TECPR2: variants seen among roughly 807,000 people sequenced by gnomAD.
TECPR2 encodes tectonin beta-propeller repeat-containing protein 2.
Under a neutral mutation model 138.1 loss-of-function variants are expected in TECPR2, and 65 were observed. The ratio of observed to expected loss-of-function variants is 0.47; its 90% CI spans 0.39 to 0.58. The LOEUF (loss-of-function observed/expected upper bound fraction) is 0.58, where lower values mean the gene tolerates loss of function less well. TECPR2 is among the 20% of genes least tolerant of loss of function. The pLI, the probability that TECPR2 is intolerant of heterozygous loss-of-function variation, is 0.00. For missense variants in TECPR2, 1,553 were observed against 1,824.5 expected, an observed-to-expected ratio of 0.85 and a Z score of 2.71; for synonymous variants, 746 against 749.8, an observed-to-expected ratio of 0.99 and a Z score of 0.08.
chr14:102,445,857 T>C lies in TECPR2; in HGVS notation c.2985T>C (p.Thr995=). ...GCATAACGCTCGGGGATCAGCAGAC[T>C]CTCTGGGCCCTGGACATCCATGGGA... ...PVCITLGDQQ[T]LWALDIHGNL... Residue 995 remains threonine (T), a synonymous_variant, in exon 13 of 20, where the codon ACT becomes ACC. Coordinates refer to ENST00000359520, the MANE Select transcript of TECPR2 (RefSeq NM_014844.5). The C allele has an allele frequency of 1.9e-6, 3 of 1,613,956 alleles. No individual in the cohort carries two copies. The highest frequency in any genetic ancestry group is 2.5e-6 in the Non-Finnish European group (3 of 1,179,994).
intron 17 of TECPR2, chr14:102,465,682 G>T: frequency 1.0e-6 from 1 of 983,212 alleles, no homozygotes; most frequent in African/African-American, 1.7e-5. Context: ...TCTTGTCATG[G>T]AGAAAATGCT....
At chr14:102,473,641 C>T (rs774156111) in intron 17 of TECPR2, among the ~76,000 whole-genome samples, 4 of 152,156 alleles carry the variant, frequency 2.6e-5, no homozygotes, top group African/African-American at 4.8e-5. Context: ...GAAGATACCC[C>T]TCCTGTAGTA....
Position 102,415,709 on chromosome 14 carries a change from C to T in TECPR2, c.638+916C>T, listed in dbSNP as rs938404610. On this transcript the variant is annotated intron_variant, in intron 5 of 19. Transcript: ENST00000359520. This position sits in a 1 kb window ranked among gnomAD's most constrained non-coding sequence, Gnocchi z 4.3. ...TGATGAGTCTACAGTCATGGATTGTCGATTGGCCGATGGGAGCTGGAAGAG... is the reference window on the plus strand; with the variant it reads ...TGATGAGTCTACAGTCATGGATTGTTGATTGGCCGATGGGAGCTGGAAGAG... Among the ~76,000 whole-genome samples the T allele has an allele frequency of 1.8e-4, 27 of 152,198 alleles. No individual in the cohort carries two copies. Among genetic ancestry groups the T allele is most frequent in the African/African-American group, 6.0e-4 (25 of 41,522 alleles).
chr14:102,426,299 C>T (rs761901560), intron 6 of TECPR2, among the ~76,000 whole-genome samples: 1 of 152,032 alleles, frequency 6.6e-6, no homozygotes, highest in South Asian at 2.1e-4. Flanking sequence ...ATAATTTCTG[C>T]TTAAACCAAG....
chr14:102,404,558 C>T (rs1888597429), intron 2 of TECPR2, among the ~76,000 whole-genome samples: 2 of 151,178 alleles, frequency 1.3e-5, no homozygotes, highest in Admixed American at 6.6e-5. Flanking sequence ...AGAAATAAAC[C>T]CTCTTATATA....
intron 13 of TECPR2, 121 bp downstream of exon 13, chr14:102,446,068 ATTTG>A (rs557073016): frequency 1.3e-5 from 16 of 1,246,908 alleles, no homozygotes; most frequent in Admixed American, 2.8e-5. Flanking sequence ...CTTTTTTATT[ATTTG>A]TTTGTTTGTT....
At chr14:102,472,975 G>T (rs946145495) in intron 17 of TECPR2, among the ~76,000 whole-genome samples, 2 of 152,268 alleles carry the variant, frequency 1.3e-5, no homozygotes, top group Non-Finnish European at 2.9e-5. Flanking sequence ...CTCGCCTTGT[G>T]CCAGGCTAAT....
Position 102,500,743 on chromosome 14 carries a change from A to G in TECPR2, c.*2486A>G, listed in dbSNP as rs1891419795. On this transcript the variant is annotated 3_prime_UTR_variant, in exon 20 of 20. Transcript: ENST00000359520. ...GAAAGACCTCATTCTTTCCAAAGGA[A>G]TTTATAGGTGTAGCTTGATTTCAGT... 6.6e-6 allele frequency: 1 copy of G among 152,230 alleles called. No individual in the cohort carries two copies. Among genetic ancestry groups the G allele is most frequent in the South Asian group, 2.1e-4 (1 of 4,832 alleles). 9.4% of individuals were successfully genotyped at this position (152,230 alleles called of 1,614,324 possible).
Position 102,443,929 on chromosome 14 carries a change from G to A in TECPR2, c.2933+102G>A. 2 of 1,167,928 alleles carry A rather than the reference G, an allele frequency of 1.7e-6. No homozygotes were observed. Among genetic ancestry groups the A allele is most frequent in the East Asian group, 2.6e-5 (1 of 38,268 alleles). The allele number at this position is 1,167,928 out of a possible 1,614,324, so 72.3% of individuals were successfully genotyped here. On this transcript the variant is annotated intron_variant, in intron 12 of 19. Coordinates refer to ENST00000359520, the MANE Select transcript of TECPR2 (RefSeq NM_014844.5). The surrounding 1 kb of genome is among the most constrained non-coding windows in gnomAD (Gnocchi z 4.9). The stretch of plus-strand genomic sequence containing the variant: ...ACCATGAGGCCGTTCCTGGGAGGCA[G>A]CACCTGCAGCCTCCATGGCTATAGG...
Position 102,435,200 on chromosome 14 carries a change from A to G in TECPR2, c.2383A>G (p.Lys795Glu). 1 of 1,606,540 alleles carries G rather than the reference A, an allele frequency of 6.2e-7. No individual in the cohort carries two copies. Among genetic ancestry groups the G allele is most frequent in the Non-Finnish European group, 8.5e-7 (1 of 1,175,984 alleles). ...GGGTGCAGAGGACGCCGGGCTGCTC[A>G]AGCCAGATCAGGTATGTGGGTTCGG... ...RLGAEDAGLLKPDQFAESWMG... is the reference protein window; with the variant it reads ...RLGAEDAGLLEPDQFAESWMG... Residue 795 changes from lysine to glutamate, a missense_variant, in exon 9 of 20, where the codon AAG (lysine) becomes GAG (glutamate). Coordinates refer to ENST00000359520, the MANE Select transcript of TECPR2 (RefSeq NM_014844.5).
rs1048767875 is a variant in TECPR2 at position 102,496,830 on chromosome 14, T to G, written c.3790-149T>G. ...ACCATCTCCCCCGTGAGACTGGCAC[T>G]AGGGGCAGGACGTGGCCTCTCTGCC... On this transcript the variant is annotated intron_variant, in intron 17 of 19. Transcript: ENST00000359520. 7.6e-6 allele frequency: 9 copies of G among 1,176,692 alleles called. No individual in the cohort carries two copies. In the African/African-American group the frequency reaches 1.4e-4, roughly 18 times the overall value. 72.9% of individuals were successfully genotyped at this position (1,176,692 alleles called of 1,614,324 possible).
chr14:102,416,007 G>A (rs941610416), intron 5 of TECPR2, among the ~76,000 whole-genome samples: 3 of 152,198 alleles, frequency 2.0e-5, no homozygotes, highest in Non-Finnish European at 2.9e-5. Context: ...TGGGCTTTGC[G>A]GCAACACACA....
In TECPR2 at chr14:102,443,973, C is replaced by G; in HGVS notation, c.2933+146C>G. ...CTATAGGCTAAGCTTGAATCTCTGCCTAATTCTGACCGGCAAACTGGACGT... is the reference window on the plus strand; with the variant it reads ...CTATAGGCTAAGCTTGAATCTCTGCGTAATTCTGACCGGCAAACTGGACGT... On this transcript the variant is annotated intron_variant, in intron 12 of 19. Transcript: ENST00000359520. The surrounding 1 kb of genome is among the most constrained non-coding windows in gnomAD (Gnocchi z 4.9). 2.5e-6 allele frequency: 2 copies of G among 788,650 alleles called. No homozygotes were observed. Among genetic ancestry groups the G allele is most frequent in the Non-Finnish European group, 3.7e-6 (2 of 543,462 alleles). The allele number at this position is 788,650 out of a possible 1,614,324, so 48.9% of individuals were successfully genotyped here. A position where few individuals can be genotyped will look rare whatever the true frequency, so the allele number is the denominator to read the frequency against.
At chr14:102,398,072 C>CAAAA (rs560266373) in intron 2 of TECPR2, among the ~76,000 whole-genome samples, 1 of 45,758 alleles carries the variant, frequency 2.2e-5, no homozygotes, top group African/African-American at 8.2e-5. Flanking sequence ...GATTCTGTCT[C>CAAAA]AAAAAAAAAA....
chr14:102,419,132 G>C lies in TECPR2; in HGVS notation c.638+4339G>C, dbSNP rs3783374. On this transcript the variant is annotated intron_variant, in intron 5 of 19. Coordinates refer to ENST00000359520, the MANE Select transcript of TECPR2 (RefSeq NM_014844.5). The surrounding 1 kb of genome is among the most constrained non-coding windows in gnomAD (Gnocchi z 4.8). ...GCAGGCTTGTGTTCTGAAGAGGAAA[G>C]GGCATCAGGAGAGAACAGGAGTTGG... is the stretch of plus-strand genomic sequence containing the variant. 0.71 allele frequency among the ~76,000 whole-genome samples: 107,863 copies of C among 151,800 alleles called. 38,559 individuals are homozygous for C. Among genetic ancestry groups the C allele is most frequent in the Middle Eastern group, 0.77 (226 of 294 alleles).
intron 7 of TECPR2, among the ~76,000 whole-genome samples, 189 bp from the exon 8 acceptor site, chr14:102,431,607 G>A (rs1049249560): frequency 2.6e-5 from 4 of 152,176 alleles, no homozygotes; most frequent in African/African-American, 4.8e-5. Flanking sequence ...CTCCCAAAGT[G>A]CTGGGATTAC....
intron 7 of TECPR2, among the ~76,000 whole-genome samples, chr14:102,430,704 T>C (rs1889448004): frequency 6.6e-6 from 1 of 152,214 alleles, no homozygotes; most frequent in Non-Finnish European, 1.5e-5. Context: ...GGAAGCTCAC[T>C]GGCCCTTGGG....
intron 5 of TECPR2, among the ~76,000 whole-genome samples, chr14:102,417,914 G>T (rs939781962): frequency 3.3e-5 from 5 of 150,756 alleles, no homozygotes; most frequent in African/African-American, 1.2e-4. Flanking sequence ...CGGGGAGGCT[G>T]CTGCAGGAGT....
chr14:102,441,454 A>G lies in TECPR2; in HGVS notation c.2752+845A>G, dbSNP rs1037094340. The stretch of plus-strand genomic sequence containing the variant: ...CACTTTGGGAGGCCTAGACGAGCAG[A>G]TCACCTGAGGTCAGGAGTTCAAGAC... On this transcript the variant is annotated intron_variant, in intron 11 of 19. Transcript: ENST00000359520. 2.7e-5 allele frequency among the ~76,000 whole-genome samples: 4 copies of G among 150,384 alleles called. No individual in the cohort carries two copies. In the East Asian group the frequency reaches 8.1e-4, roughly 30 times the overall value.
Sources: gnomAD v4.1 joint callset for allele counts (sites outside exome capture counted in the v4.1 genomes callset) on GRCh38, gnomAD v4.1.1 for gene constraint, Gnocchi (gnomAD v3.1) non-coding constraint, MANE v1.5 for transcripts, NCBI Gene and HGNC (gene_info 2026-07-23, HGNC 2026-07-21) for gene names.